The following SAXO1 variants were observed in gnomAD, a reference collection of about 807,000 sequenced individuals.
The protein encoded by SAXO1 is stabilizer of axonemal microtubules 1.
A neutral mutation model predicts 17.5 loss-of-function variants in SAXO1; 21 were observed. The ratio of observed to expected loss-of-function variants is 1.20; its 90% CI spans 0.85 to 1.72. The LOEUF (loss-of-function observed/expected upper bound fraction) is 1.72, where lower values mean the gene tolerates loss of function less well. SAXO1 is among the 40% of genes most tolerant of loss of function. The probability of loss-of-function intolerance (pLI) is 0.00; values close to 1 mark genes in which losing one functional copy is unlikely to be tolerated. For missense variants in SAXO1, 843 were observed against 596.0 expected, an observed-to-expected ratio of 1.41 and a Z score of -4.32; for synonymous variants, 274 against 216.5, an observed-to-expected ratio of 1.27 and a Z score of -2.33.
chr9:19,017,911 T>C (rs1485240097), intron 1 of SAXO1, among the ~76,000 whole-genome samples: 1 of 152,222 alleles, frequency 6.6e-6, no homozygotes, highest in Non-Finnish European at 1.5e-5. Flanking sequence ...CTCACGCTTG[T>C]AATCCCAACA....
chr9:18,987,528 G>A (rs192740028), intron 1 of SAXO1, among the ~76,000 whole-genome samples: 3 of 152,246 alleles, frequency 2.0e-5, no homozygotes, highest in South Asian at 2.1e-4. Context: ...TAGTCCACCC[G>A]CTCAGCCTCC....
At chr9:18,977,774 A>G (rs1833208063) in intron 1 of SAXO1, among the ~76,000 whole-genome samples, 1 of 152,060 alleles carries the variant, frequency 6.6e-6, no homozygotes, top group Non-Finnish European at 1.5e-5. Flanking sequence ...GCAGTGGATC[A>G]CTTGAAGTTG....
intron 1 of SAXO1, among the ~76,000 whole-genome samples, chr9:18,958,444 A>G (rs1480818394): frequency 6.6e-6 from 1 of 152,128 alleles, no homozygotes; most frequent in Non-Finnish European, 1.5e-5. Flanking sequence ...TAAGTAAACC[A>G]GAACTTCTGA....
At chr9:19,027,881 C>T (rs1835568647) in intron 1 of SAXO1, 7 of 1,372,504 alleles carry the variant, frequency 5.1e-6, no homozygotes, top group Admixed American at 1.9e-5. Context: ...CGGCCTGGAC[C>T]GCAAGATCGA....
chr9:19,032,901 G>A lies in SAXO1; in HGVS notation c.8C>T (p.Thr3Met), dbSNP rs759280465. The A allele has an allele frequency of 6.1e-5, 98 of 1,610,160 alleles. No homozygotes were observed. Among genetic ancestry groups the A allele is most frequent in the Non-Finnish European group, 7.5e-5 (88 of 1,179,630 alleles). ...GGAGCACAGTTCACAGATGCACTTC[G>A]TCTTCATAGGGGCGATCCTGAGGCC... MKTKCICELCSCG... is the reference protein window; with the variant it reads MKMKCICELCSCG... Residue 3 changes from threonine (T) to methionine (M), a missense_variant, in exon 1 of 4, where the codon ACG becomes ATG. Thr to Met is a moderately conservative substitution (Grantham distance 81, BLOSUM62 -1). Transcript: ENST00000380534.
chr9:18,934,230 T>C (rs558305890), intron 3 of SAXO1, among the ~76,000 whole-genome samples: 1 of 152,362 alleles, frequency 6.6e-6, no homozygotes, highest in South Asian at 2.1e-4. Context: ...TAAACATTTT[T>C]CATAAAATTT....
intron 1 of SAXO1, among the ~76,000 whole-genome samples, chr9:19,044,510 T>G (rs995988164): frequency 6.6e-6 from 1 of 152,082 alleles, no homozygotes; most frequent in Admixed American, 6.6e-5. Flanking sequence ...GATCATAAAA[T>G]CAAAATTTTT....
intron 1 of SAXO1, among the ~76,000 whole-genome samples, chr9:18,971,420 T>C (rs937520981): frequency 3.3e-5 from 5 of 151,308 alleles, no homozygotes; most frequent in African/African-American, 1.2e-4. Context: ...CTTTTCAAAA[T>C]AGGAGCCAAA....
intron 3 of SAXO1, among the ~76,000 whole-genome samples, chr9:18,940,420 G>A (rs1471100444): frequency 1.3e-5 from 2 of 152,202 alleles, no homozygotes; most frequent in Non-Finnish European, 2.9e-5. Flanking sequence ...AGAGGCCCAC[G>A]CCAATCCAGT....
intron 1 of SAXO1, among the ~76,000 whole-genome samples, chr9:18,965,386 A>G (rs1257344827): frequency 6.6e-6 from 1 of 152,168 alleles, no homozygotes; most frequent in Non-Finnish European, 1.5e-5. Context: ...TGCAAGTCTA[A>G]GTCTCTTTGT....
chr9:19,002,129 T>A (rs1204903946), intron 1 of SAXO1, among the ~76,000 whole-genome samples: 2 of 152,006 alleles, frequency 1.3e-5, no homozygotes, highest in Admixed American at 1.3e-4. Flanking sequence ...TCTAAACAAA[T>A]AAACTATAAA....
intron 1 of SAXO1, chr9:19,028,075 A>G: frequency 6.2e-7 from 1 of 1,611,984 alleles, no homozygotes; most frequent in Non-Finnish European, 8.5e-7. Context: ...CGAGGACTAC[A>G]TGGAAGGCAT....
At chr9:18,933,919 G>A (rs1246710043) in intron 3 of SAXO1, among the ~76,000 whole-genome samples, 4 of 152,196 alleles carry the variant, frequency 2.6e-5, no homozygotes, top group South Asian at 4.1e-4. Context: ...AGTGGCGGGC[G>A]CCTGTAGTCC....
At chr9:19,003,136 A>G (rs1300249824) in intron 1 of SAXO1, among the ~76,000 whole-genome samples, 1 of 152,212 alleles carries the variant, frequency 6.6e-6, no homozygotes, top group Admixed American at 6.5e-5. Context: ...GTGAACTCCC[A>G]TTCACTATTA....
At chr9:18,996,916 A>G (rs914153085) in intron 1 of SAXO1, among the ~76,000 whole-genome samples, 3 of 152,232 alleles carry the variant, frequency 2.0e-5, no homozygotes, top group African/African-American at 7.2e-5. Context: ...TCAGTTCACA[A>G]ATGACATGAT....
intron 1 of SAXO1, among the ~76,000 whole-genome samples, chr9:18,986,723 G>T (rs10811075): frequency 0.52 from 78,635 of 152,030 alleles, 21,926 homozygotes; most frequent in Non-Finnish European, 0.63. Context: ...GAAGCAAGGG[G>T]GCAAAGACTG....
intron 3 of SAXO1, among the ~76,000 whole-genome samples, chr9:18,940,206 G>A (rs1362958874): frequency 6.6e-6 from 1 of 152,184 alleles, no homozygotes; most frequent in Non-Finnish European, 1.5e-5. Flanking sequence ...GGTGGGAGGA[G>A]ATAAGAGGAC....
At chr9:18,954,038 A>C (rs1311219483) in intron 1 of SAXO1, among the ~76,000 whole-genome samples, 1 of 152,194 alleles carries the variant, frequency 6.6e-6, no homozygotes, top group South Asian at 2.1e-4. Context: ...GGGTCGTTCC[A>C]AGAGCTGCCC....
chr9:18,938,854 A>ATG (rs981075599), intron 3 of SAXO1, among the ~76,000 whole-genome samples: 2 of 39,760 alleles, frequency 5.0e-5, no homozygotes, highest in African/African-American at 1.0e-4. Flanking sequence ...GTGTGTGTGT[A>ATG]TGTGTGTGTG....
Sources: gnomAD v4.1 joint callset for allele counts (sites outside exome capture counted in the v4.1 genomes callset) on GRCh38, gnomAD v4.1.1 for gene constraint, MANE v1.5 for transcripts, NCBI Gene and HGNC (gene_info 2026-07-23, HGNC 2026-07-21) for gene names.